The following CUL2 variants were observed in gnomAD, a reference collection of about 807,000 sequenced individuals.
CUL2 encodes the protein cullin-2.
Under a neutral mutation model 110.2 loss-of-function variants are expected in CUL2, and 22 were observed. That is an observed-to-expected ratio of 0.20 (90% CI 0.14 to 0.28). The LOEUF (loss-of-function observed/expected upper bound fraction) is 0.28. Ranked by LOEUF, CUL2 falls within the 10% of genes least tolerant of loss-of-function variation. The pLI is 1.00. For missense variants in CUL2, 631 were observed against 905.5 expected (o/e 0.70, Z 3.89); for synonymous variants, 279 against 293.2 (o/e 0.95, Z 0.49).
rs2086671743 is a variant in CUL2, at chr10:35,071,333, T to C, written c.-16A>G. The C allele has an allele frequency of 1.2e-6, 2 of 1,605,480 alleles. No homozygotes were observed. The highest frequency in any genetic ancestry group is 1.7e-6 in the Non-Finnish European group (2 of 1,174,826). ...TCAAAGACATTGTGCAAGTGTAGTG[T>C]TGAAATCTGTCAATTAAAAAACAAT... On this transcript the variant is annotated 5_prime_UTR_variant, in exon 2 of 21. Coordinates refer to ENST00000374749, the MANE Select transcript of CUL2 (RefSeq NM_003591.4).
intron 1 of CUL2, among the ~76,000 whole-genome samples, chr10:35,080,971 T>C (rs1395366708): frequency 6.6e-6 from 1 of 151,962 alleles, no homozygotes; most frequent in Non-Finnish European, 1.5e-5. Flanking sequence ...CCTAGTACTT[T>C]GGGAGGCTGA....
chr10:35,081,423 C>T (rs549999080), intron 1 of CUL2, among the ~76,000 whole-genome samples: 11 of 152,050 alleles, frequency 7.2e-5, no homozygotes, highest in Non-Finnish European at 8.8e-5. Flanking sequence ...ATCTAGTCAA[C>T]GAATTTAAGA....
intron 6 of CUL2, among the ~76,000 whole-genome samples, chr10:35,048,585 T>A (rs1023048610): frequency 6.6e-6 from 1 of 152,202 alleles, no homozygotes; most frequent in Non-Finnish European, 1.5e-5. Flanking sequence ...ATATTAGAAC[T>A]TAGAAGTTTT....
chr10:35,123,158 A>AAAAAAC (rs1554874575), intron 1 of CUL2, among the ~76,000 whole-genome samples: 2 of 151,406 alleles, frequency 1.3e-5, no homozygotes, highest in South Asian at 2.1e-4. Context: ...AAACATAACA[A>AAAAAAC]AAAACAAAAC....
intron 6 of CUL2, among the ~76,000 whole-genome samples, chr10:35,047,298 C>G (rs942692301): frequency 6.6e-6 from 1 of 152,044 alleles, no homozygotes; most frequent in Non-Finnish European, 1.5e-5. Flanking sequence ...CATTAGATTA[C>G]AATAAAAAAT....
chr10:35,029,410 A>C (rs929905384), intron 15 of CUL2, 78 bp downstream of exon 15: 55 of 1,024,620 alleles, frequency 5.4e-5, no homozygotes, highest in Middle Eastern at 3.3e-4. Flanking sequence ...AAACGTAATC[A>C]GGCATCCATT....
intron 17 of CUL2, among the ~76,000 whole-genome samples, chr10:35,017,384 G>C (rs1033809316): frequency 2.0e-5 from 3 of 151,790 alleles, no homozygotes; most frequent in African/African-American, 7.3e-5. Context: ...CATTTAATCT[G>C]AATGTTTTCA....
intron 1 of CUL2, among the ~76,000 whole-genome samples, chr10:35,103,308 ATTTTTTTTTTTTTT>A (rs67257350): frequency 0.041 from 3,844 of 94,650 alleles, 180 homozygotes; most frequent in African/African-American, 0.13. Context: ...GGCCAAGCTA[ATTTTTTTTTTTTTT>A]TTTTTTTTTT....
intron 11 of CUL2, 70 bp downstream of exon 11, chr10:35,033,096 G>A (rs12261654): frequency 0.34 from 290,028 of 843,854 alleles, 50,550 homozygotes; most frequent in Non-Finnish European, 0.35. Flanking sequence ...CTAGAATTCT[G>A]ATCTTGAAAC....
intron 18 of CUL2, among the ~76,000 whole-genome samples, chr10:35,014,368 G>T (rs1291591170): frequency 6.6e-6 from 1 of 152,080 alleles, no homozygotes; most frequent in Non-Finnish European, 1.5e-5. Context: ...TTTGCTCAGG[G>T]GAAAACTGTT....
intron 10 of CUL2, among the ~76,000 whole-genome samples, chr10:35,033,779 A>G (rs1206950736): frequency 1.4e-5 from 2 of 146,850 alleles, no homozygotes; most frequent in African/African-American, 4.9e-5. Context: ...AAAGGAAGAA[A>G]GAAAATAGCT....
chr10:35,082,571 G>T (rs753395829), intron 1 of CUL2, among the ~76,000 whole-genome samples: 1 of 152,132 alleles, frequency 6.6e-6, no homozygotes, highest in African/African-American at 2.4e-5. Context: ...TTTATGTCAT[G>T]TATGTTTTAA....
chr10:35,033,754 AAC>A (rs1413313897), intron 10 of CUL2, among the ~76,000 whole-genome samples: 157 of 47,184 alleles, frequency 3.3e-3, no homozygotes, highest in East Asian at 5.8e-3. Flanking sequence ...CAACAACAAC[AAC>A]AAAAAAAAAA....
intron 17 of CUL2, among the ~76,000 whole-genome samples, chr10:35,022,039 C>T (rs1274263017): frequency 1.3e-5 from 2 of 151,988 alleles, no homozygotes; most frequent in African/African-American, 2.4e-5. Context: ...CTGGGCTGGC[C>T]TCTATCACAT....
At chr10:35,075,311 T>C (rs573650027) in intron 1 of CUL2, among the ~76,000 whole-genome samples, 1 of 152,238 alleles carries the variant, frequency 6.6e-6, no homozygotes, top group South Asian at 2.1e-4. Flanking sequence ...TTAAGTTTCT[T>C]AAAAATGTTT....
intron 4 of CUL2, among the ~76,000 whole-genome samples, chr10:35,057,514 A>G (rs1277808532): frequency 4.6e-5 from 7 of 151,386 alleles, no homozygotes; most frequent in African/African-American, 1.2e-4. Flanking sequence ...TTAGCCAGGC[A>G]TGGTGGTGGT....
At chr10:35,072,488 C>T (rs1180802910) in intron 1 of CUL2, among the ~76,000 whole-genome samples, 1 of 152,010 alleles carries the variant, frequency 6.6e-6, no homozygotes, top group Non-Finnish European at 1.5e-5. Context: ...CCTGCCTGAA[C>T]CTCCCGAGTA....
At chr10:35,011,668 C>T (rs1477748391) in intron 20 of CUL2, among the ~76,000 whole-genome samples, 180 bp downstream of exon 20, 1 of 152,090 alleles carries the variant, frequency 6.6e-6, no homozygotes, top group Non-Finnish European at 1.5e-5. Context: ...GCCCAGCCTG[C>T]AAATCTGAAT....
At chr10:35,029,413 C>T in intron 15 of CUL2, 75 bp downstream of exon 15, 1 of 1,040,952 alleles carries the variant, frequency 9.6e-7, no homozygotes, top group Middle Eastern at 3.3e-4. Context: ...CGTAATCAGG[C>T]ATCCATTTAT....
Sources: gnomAD v4.1 joint callset for allele counts (sites outside exome capture counted in the v4.1 genomes callset) on GRCh38, gnomAD v4.1.1 for gene constraint, MANE v1.5 for transcripts, NCBI Gene and HGNC (gene_info 2026-07-23, HGNC 2026-07-21) for gene names.